Variants in RASGRP3 observed in about 807,000 individuals in gnomAD.
RASGRP3 encodes RAS guanyl releasing protein 3.
Under a neutral mutation model 82.7 loss-of-function variants are expected in RASGRP3, and 54 were observed. That is an observed-to-expected ratio of 0.65 (90% CI 0.52 to 0.82). The LOEUF is 0.82. Among genes scored for constraint, RASGRP3 ranks in the 40% least tolerant of loss-of-function variants. The pLI, the probability that RASGRP3 is intolerant of heterozygous loss-of-function variation, is 0.00. For synonymous variants in RASGRP3, 309 were observed against 300.5 expected, an observed-to-expected ratio of 1.03 and a Z score of -0.29; for missense variants, 861 against 828.9, an observed-to-expected ratio of 1.04 and a Z score of -0.48.
At chr2:33,546,289 G>A (rs1674736986) in intron 13 of RASGRP3, among the ~76,000 whole-genome samples, 1 of 151,832 alleles carries the variant, frequency 6.6e-6, no homozygotes, top group Non-Finnish European at 1.5e-5. Flanking sequence ...CAGGCTTGGT[G>A]GCGGGCCCCT....
chr2:33,558,321 C>T lies in RASGRP3; in HGVS notation c.1690C>T (p.Pro564Ser), dbSNP rs1676248116. ...TGGTCATGGGTCACTGCCTGGAAGCCCCTCGCTGCCCCCAGGTAATGCCCT... is the reference window on the plus strand; with the variant it reads ...TGGTCATGGGTCACTGCCTGGAAGCTCCTCGCTGCCCCCAGGTAATGCCCT... ...SSGHGSLPGS[P>S]SLPPAQDEVF... is the part of the protein sequence containing the mutation. The change falls in exon 16 of 18, where the codon CCC (proline) becomes TCC (serine). Residue 564 changes from proline to serine, a missense_variant. Pro to Ser is a moderately conservative substitution (Grantham distance 74). Transcript: ENST00000403687. The T allele has an allele frequency of 1.2e-6, 2 of 1,613,466 alleles. No homozygotes were observed. Among genetic ancestry groups the T allele is most frequent in the African/African-American group, 1.3e-5 (1 of 74,964 alleles).
chr2:33,547,820 C>T (rs900557976), intron 13 of RASGRP3, among the ~76,000 whole-genome samples: 43 of 151,914 alleles, frequency 2.8e-4, no homozygotes, highest in African/African-American at 1.0e-3. Context: ...TGCAGGTGAG[C>T]TGGAGAAGGG....
chr2:33,533,485 G>A (rs1395672297), intron 10 of RASGRP3: 1 of 152,154 alleles, frequency 6.6e-6, no homozygotes, highest in Non-Finnish European at 1.5e-5. Flanking sequence ...ATTTTATTGT[G>A]TACCAGGTCC....
chr2:33,564,455 C>A lies in RASGRP3; in HGVS notation c.*1718C>A, dbSNP rs1234176235. On this transcript the variant is annotated 3_prime_UTR_variant, in exon 18 of 18. Transcript: ENST00000403687. The stretch of plus-strand genomic sequence containing the variant: ...GTATATTACACTATCTACTACTATC[C>A]ATAAATGCAATAATATGCATGTTAA... 1 of 152,142 alleles carries A rather than the reference C, an allele frequency of 6.6e-6. No individual in the cohort carries two copies. The highest frequency in any genetic ancestry group is 2.4e-5 in the African/African-American group (1 of 41,426). The allele number at this position is 152,142 out of a possible 1,614,324, so 9.4% of individuals were successfully genotyped here. A position where few individuals can be genotyped will look rare whatever the true frequency, so the allele number is the denominator to read the frequency against.
intron 9 of RASGRP3, among the ~76,000 whole-genome samples, chr2:33,525,538 A>C (rs2151032219): frequency 6.6e-6 from 1 of 152,004 alleles, no homozygotes. Context: ...AAGAAAAAGA[A>C]AAAAACTTCT....
At chr2:33,465,035 C>G (rs1482714013) in intron 2 of RASGRP3, among the ~76,000 whole-genome samples, 1 of 152,154 alleles carries the variant, frequency 6.6e-6, no homozygotes, top group African/African-American at 2.4e-5. Flanking sequence ...TACTTTAGAT[C>G]AAAAGCTAGA....
At chr2:33,506,891 T>C (rs1485739429) in intron 1 of RASGRP3, among the ~76,000 whole-genome samples, 4 of 152,248 alleles carry the variant, frequency 2.6e-5, no homozygotes, top group Non-Finnish European at 1.5e-5. Flanking sequence ...CCATTTCTTA[T>C]ATTCATACTA....
chr2:33,477,523 A>G (rs1192775622), intron 1 of RASGRP3, among the ~76,000 whole-genome samples: 3 of 152,182 alleles, frequency 2.0e-5, no homozygotes, highest in Non-Finnish European at 4.4e-5. Context: ...TGCTGCCTGC[A>G]GCTGATGATT....
In RASGRP3 at chr2:33,539,159, G is replaced by A; in HGVS notation, c.1227G>A (p.Met409Ile). ...VVPLEWALGV[M>I]PKPDPTVINK... ...CCCTGGAGTGGGCATTAGGGGTGAT[G>A]CCAAAGCCAGACCCCACGGTCATCA... is the stretch of plus-strand genomic sequence containing the variant. The change falls in exon 12 of 18, where the codon ATG becomes ATA. Residue 409 changes from methionine to isoleucine, a missense_variant. Met to Ile is a conservative substitution (Grantham distance 10). Coordinates refer to ENST00000403687, the MANE Select transcript of RASGRP3 (RefSeq NM_001139488.2). 6.2e-7 allele frequency: 1 copy of A among 1,611,672 alleles called. No individual in the cohort carries two copies. The highest frequency in any genetic ancestry group is 8.5e-7 in the Non-Finnish European group (1 of 1,179,042).
chr2:33,550,019 T>A (rs1675212545), intron 14 of RASGRP3, among the ~76,000 whole-genome samples: 1 of 152,214 alleles, frequency 6.6e-6, no homozygotes, highest in Non-Finnish European at 1.5e-5. Flanking sequence ...GGGAAAAGTG[T>A]CAGCCCAATG....
At chr2:33,449,457 A>G (rs1365156762) in intron 2 of RASGRP3, among the ~76,000 whole-genome samples, 1 of 152,160 alleles carries the variant, frequency 6.6e-6, no homozygotes, top group Non-Finnish European at 1.5e-5. Flanking sequence ...ATTTCATGAC[A>G]TTGGAATATT....
At chr2:33,560,060 G>A (rs1676476552) in intron 17 of RASGRP3, among the ~76,000 whole-genome samples, 1 of 152,138 alleles carries the variant, frequency 6.6e-6, no homozygotes, top group South Asian at 2.1e-4. Flanking sequence ...AAACAGCTTT[G>A]AGATGTAATT....
intron 1 of RASGRP3, among the ~76,000 whole-genome samples, chr2:33,491,482 A>G (rs1004084226): frequency 1.3e-5 from 2 of 152,198 alleles, no homozygotes; most frequent in African/African-American, 4.8e-5. Context: ...TATTTATAAC[A>G]TAGAAATAAT....
chr2:33,447,291 G>A (rs969039351), intron 1 of RASGRP3, among the ~76,000 whole-genome samples: 5 of 152,094 alleles, frequency 3.3e-5, no homozygotes, highest in Non-Finnish European at 7.4e-5. Flanking sequence ...CTGGGCCAGG[G>A]GGACAGACTG....
chr2:33,460,577 C>T (rs949060517), intron 2 of RASGRP3, among the ~76,000 whole-genome samples: 4 of 150,768 alleles, frequency 2.7e-5, no homozygotes, highest in Non-Finnish European at 2.9e-5. Flanking sequence ...TGCAATGGCG[C>T]GATCTCGGCT....
chr2:33,552,058 C>T (rs1282835066), intron 14 of RASGRP3, among the ~76,000 whole-genome samples: 1 of 152,198 alleles, frequency 6.6e-6, no homozygotes, highest in East Asian at 1.9e-4. Context: ...TATCTCCGCT[C>T]TCTAGTCCTT....
rs534442593 is a variant in RASGRP3 at position 33,469,430 on chromosome 2, C to T, written c.-261+21487C>T. Among the ~76,000 whole-genome samples the T allele has an allele frequency of 1.5e-4, 23 of 150,940 alleles. No individual in the cohort carries two copies. In the South Asian group the frequency reaches 4.8e-3, roughly 32 times the overall value. The stretch of plus-strand genomic sequence containing the variant: ...TAAAACAATTTTAAGATTATAAAAC[C>T]AATCATGTGATTCTCTTCAAGTTTG... On this transcript the variant is annotated intron_variant, in intron 2 of 18. Coordinates refer to the RASGRP3 transcript ENST00000402538.
intron 2 of RASGRP3, chr2:33,458,248 A>G (rs1031441028): frequency 1.3e-5 from 2 of 152,208 alleles, no homozygotes; most frequent in African/African-American, 2.4e-5. Flanking sequence ...GGGTGCACAC[A>G]TTTCTTGTAA....
intron 2 of RASGRP3, among the ~76,000 whole-genome samples, chr2:33,453,610 GT>G (rs1558397943): frequency 6.6e-6 from 1 of 152,098 alleles, no homozygotes; most frequent in Non-Finnish European, 1.5e-5. Flanking sequence ...AAGATGCAAG[GT>G]TTTTTATGAC....
Sources: gnomAD v4.1 joint callset for allele counts (sites outside exome capture counted in the v4.1 genomes callset) on GRCh38, gnomAD v4.1.1 for gene constraint, MANE v1.5 for transcripts, NCBI Gene and HGNC (gene_info 2026-07-23, HGNC 2026-07-21) for gene names.